Variants in AGAP3 observed in about 807,000 individuals in gnomAD.
AGAP3 encodes the protein arf-GAP with GTPase, ANK repeat and PH domain-containing protein 3.
AGAP3 carries 24 observed loss-of-function variants against 96.9 expected under a neutral mutation model. That is an observed-to-expected ratio of 0.25 (90% CI 0.18 to 0.35). The LOEUF is 0.35. Ranked by LOEUF, AGAP3 falls within the 10% of genes least tolerant of loss-of-function variation. The probability of loss-of-function intolerance (pLI) is 1.00; values close to 1 mark genes in which losing one functional copy is unlikely to be tolerated. For missense variants in AGAP3, 876 were observed against 1,254.2 expected, an observed-to-expected ratio of 0.70 and a Z score of 4.55; for synonymous variants, 563 against 536.1, an observed-to-expected ratio of 1.05 and a Z score of -0.69.
intron 8 of AGAP3, among the ~76,000 whole-genome samples, chr7:151,121,307 C>G (rs1185431505): frequency 6.6e-6 from 1 of 152,132 alleles, no homozygotes; most frequent in East Asian, 1.9e-4. Flanking sequence ...TGCAGCTTCT[C>G]CTTTCTATCC....
Position 151,115,172 on chromosome 7 carries a change from C to T in AGAP3, c.332-1621C>T, listed in dbSNP as rs1312914866. The T allele has an allele frequency of 6.9e-6, 7 of 1,018,062 alleles. No homozygotes were observed. The East Asian group carries it at 3.0e-4, about 43-fold the overall frequency. 63.1% of individuals were successfully genotyped at this position (1,018,062 alleles called of 1,614,324 possible). On this transcript the variant is annotated intron_variant, in intron 1 of 17. Transcript: ENST00000397238. ...GCATGACTTTCCTGGAGGTGAACCG[C>T]CTGGAGCTGGCGGCCGCCGAGGCGC...
Position 151,141,929 on chromosome 7 carries a change from G to A in AGAP3, c.1836G>A (p.Val612=). The change falls in exon 14 of 18, where the codon GTG becomes GTA. Residue 612 remains valine (V), a synonymous_variant. Transcript: ENST00000397238. This position sits in a 1 kb window ranked among gnomAD's most constrained non-coding sequence, Gnocchi z 4.2. The part of the protein sequence containing the change: ...EAEESFEFVV[V]SLTGQTWHFE... ...AGGAGTCGTTTGAATTTGTGGTGGT[G>A]TCCCTCACTGGGCAGACGTGGCACT... 4 of 1,614,024 alleles carry A rather than the reference G, an allele frequency of 2.5e-6. No individual in the cohort carries two copies. The highest frequency in any genetic ancestry group is 3.4e-6 in the Non-Finnish European group (4 of 1,179,956).
Position 151,144,140 on chromosome 7 carries a change from T to TGCCC in AGAP3, c.*197_*198insGCCC. On this transcript the variant is annotated 3_prime_UTR_variant, in exon 18 of 18. Transcript: ENST00000397238. ...AGCTGCAGCAGAGAGGGATGAGGGA[T>TGCCC]TTAGCCCTCTGCCCTAAGGTGCCAT... 4.6e-6 allele frequency: 3 copies of TGCCC among 646,542 alleles called. No homozygotes were observed. Among genetic ancestry groups the TGCCC allele is most frequent in the Non-Finnish European group, 7.9e-6 (3 of 380,336 alleles). 40.1% of individuals were successfully genotyped at this position (646,542 alleles called of 1,614,324 possible).
At chr7:151,110,077 G>A (rs925552155) in intron 1 of AGAP3, among the ~76,000 whole-genome samples, 1 of 152,232 alleles carries the variant, frequency 6.6e-6, no homozygotes, top group African/African-American at 2.4e-5. Context: ...ACTCCAGGGT[G>A]CGCCGTGCCT....
At chr7:151,125,157 G>A (rs577950715) in intron 9 of AGAP3, among the ~76,000 whole-genome samples, 2 of 152,354 alleles carry the variant, frequency 1.3e-5, no homozygotes, top group South Asian at 2.1e-4. Context: ...TGCTTTGGGC[G>A]TAGGCTCCTC....
Position 151,118,779 on chromosome 7 carries a change from T to G in AGAP3, c.969+147T>G. The G allele has an allele frequency of 8.2e-7, 1 of 1,223,658 alleles. No individual in the cohort carries two copies. The highest frequency in any genetic ancestry group is 1.9e-5 in the Admixed American group (1 of 51,830). The allele number at this position is 1,223,658 out of a possible 1,614,324, so 75.8% of individuals were successfully genotyped here. ...TTGCATGTTGCTTGGAAACATTGGT[T>G]GGAATTCCATTTAGCCGGCACCGTA... On this transcript the variant is annotated intron_variant, in intron 7 of 17. Transcript: ENST00000397238. The surrounding 1 kb of genome is among the most constrained non-coding windows in gnomAD (Gnocchi z 6.1).
rs1358428455 is a variant in AGAP3, at chr7:151,138,261, C to A, written c.1614C>A (p.Ala538=). ...AGCGCTCCTGCTCCGTTTCCAGCGC[C>A]GACCAGTGGAGTGAGGCCACCACTT... ...LHQRSCSVSS[A]DQWSEATTSL... is the part of the protein sequence containing the mutation. Residue 538 remains alanine, a synonymous_variant, in exon 12 of 18, where the codon GCC becomes GCA. Transcript: ENST00000397238. The A allele has an allele frequency of 6.2e-7, 1 of 1,612,824 alleles. No individual in the cohort carries two copies. Among genetic ancestry groups the A allele is most frequent in the Non-Finnish European group, 8.5e-7 (1 of 1,179,828 alleles).
At chr7:151,117,061 C>T (rs1467136672) in intron 2 of AGAP3, 34 bp from the exon 3 acceptor site, 1 of 1,598,946 alleles carries the variant, frequency 6.3e-7, no homozygotes, top group Non-Finnish European at 8.6e-7. Context: ...GTGCCCTCTG[C>T]CCTCTGACCC....
At chr7:151,086,113 G>C (rs1159040654), upstream of AGAP3, 5 of 152,428 alleles carry the variant, frequency 3.3e-5, no homozygotes, top group East Asian at 9.7e-4. Flanking sequence ...CTAGAGATCC[G>C]ACACCCCGCC....
intron 1 of AGAP3, among the ~76,000 whole-genome samples, chr7:151,101,157 C>T (rs1284795097): frequency 6.6e-6 from 1 of 152,248 alleles, no homozygotes; most frequent in Admixed American, 6.5e-5. Flanking sequence ...GGTCCCCAGC[C>T]CAGCACCAGG....
chr7:151,137,640 CG>C (rs1563522728), intron 11 of AGAP3: 2 of 153,004 alleles, frequency 1.3e-5, no homozygotes, highest in East Asian at 3.8e-4. Context: ...TGATGGGAAA[CG>C]AAAGATTAAT....
At chr7:151,134,739 A>G (rs1800528938) in intron 11 of AGAP3, among the ~76,000 whole-genome samples, 171 bp downstream of exon 11, 2 of 152,218 alleles carry the variant, frequency 1.3e-5, no homozygotes, top group African/African-American at 4.8e-5. Flanking sequence ...TCGTGGAGTT[A>G]GTTGAGGTGA....
intron 1 of AGAP3, among the ~76,000 whole-genome samples, chr7:151,099,977 G>C (rs771955152): frequency 7.9e-5 from 12 of 152,198 alleles, no homozygotes; most frequent in Non-Finnish European, 1.3e-4. Context: ...CCCCACCCTG[G>C]AAATGAGGTG....
At chr7:151,120,659 C>T in intron 8 of AGAP3, 1 of 1,280,810 alleles carries the variant, frequency 7.8e-7, no homozygotes, top group Non-Finnish European at 1.0e-6. Context: ...AAAATTCATG[C>T]TTTCCACCCA....
intron 1 of AGAP3, among the ~76,000 whole-genome samples, chr7:151,095,962 A>G (rs115305855): frequency 0.014 from 2,101 of 152,260 alleles, 54 homozygotes; most frequent in African/African-American, 0.048. Flanking sequence ...CAGGCTGCCT[A>G]GATTTGAGTC....
rs1800494905 is a variant in AGAP3 at position 151,133,952 on chromosome 7, C to T, written c.1327-448C>T. Among the ~76,000 whole-genome samples, 1 of 152,170 alleles carries T rather than the reference C, an allele frequency of 6.6e-6. No homozygotes were observed. The highest frequency in any genetic ancestry group is 2.4e-5 in the African/African-American group (1 of 41,434). On this transcript the variant is annotated intron_variant, in intron 10 of 17. Transcript: ENST00000397238. The surrounding 1 kb of genome is among the most constrained non-coding windows in gnomAD (Gnocchi z 5.4). ...CACTGTCCTAAGGGCTGGGACTATT[C>T]TAGGCTTTAGAAGGTTCTTAATGCC...
chr7:151,124,486 G>T (rs1408350481), intron 9 of AGAP3, among the ~76,000 whole-genome samples: 10 of 152,232 alleles, frequency 6.6e-5, no homozygotes, highest in Non-Finnish European at 1.5e-4. Context: ...AGCAGCTGGG[G>T]TGGATGGGGA....
Position 151,096,957 on chromosome 7 carries a change from G to A in AGAP3, c.331+9885G>A, listed in dbSNP as rs182611754. On this transcript the variant is annotated intron_variant, in intron 1 of 17. Coordinates refer to ENST00000397238, the MANE Select transcript of AGAP3 (RefSeq NM_031946.7). This position sits in a 1 kb window ranked among gnomAD's most constrained non-coding sequence, Gnocchi z 4.4. ...ATGCCACCATGTCTGGCTAATTTTT[G>A]TATTTTTTGTAGAGACGGGGTTTTA... Among the ~76,000 whole-genome samples, 54 of 151,794 alleles carry A rather than the reference G, an allele frequency of 3.6e-4. 1 individual carries two copies. In the East Asian group the frequency reaches 9.5e-3, roughly 27 times the overall value.
intron 10 of AGAP3, 23 bp downstream of exon 10, chr7:151,128,707 C>G: frequency 6.2e-7 from 1 of 1,603,888 alleles, no homozygotes; most frequent in Non-Finnish European, 8.5e-7. Flanking sequence ...GGAGGAGCCT[C>G]CTGGGGGAGT....
Sources: gnomAD v4.1 joint callset for allele counts (sites outside exome capture counted in the v4.1 genomes callset) on GRCh38, gnomAD v4.1.1 for gene constraint, Gnocchi (gnomAD v3.1) non-coding constraint, MANE v1.5 for transcripts, NCBI Gene and HGNC (gene_info 2026-07-23, HGNC 2026-07-21) for gene names.